PIK3CA: variants seen among roughly 807,000 people sequenced by gnomAD.
The protein encoded by PIK3CA is phosphatidylinositol-4,5-bisphosphate 3-kinase catalytic subunit alpha.
PIK3CA carries 27 observed loss-of-function variants against 138.2 expected under a neutral mutation model. That is an observed-to-expected ratio of 0.20 (90% CI 0.14 to 0.27). PIK3CA has a LOEUF of 0.27. PIK3CA is among the 10% of genes least tolerant of loss of function. PIK3CA has a pLI of 1.00. For missense variants in PIK3CA, 544 were observed against 1,277.4 expected (o/e 0.43, Z 8.75); for synonymous variants, 358 against 413.2 (o/e 0.87, Z 1.62).
At chr3:179,173,643 A>T (rs1334071904) in intron 1 of PIK3CA, among the ~76,000 whole-genome samples, 1 of 152,154 alleles carries the variant, frequency 6.6e-6, no homozygotes, top group African/African-American at 2.4e-5. Context: ...ATAGACCTAA[A>T]CTTCAGTTCT....
rs183206811 is a variant in PIK3CA, at chr3:179,204,616, C to T, written c.1145+28C>T. The T allele has an allele frequency of 8.0e-6, 9 of 1,131,928 alleles. No individual in the cohort carries two copies. The Admixed American group carries it at 1.2e-4, about 15-fold the overall frequency. The allele number at this position is 1,131,928 out of a possible 1,614,324, so 70.1% of individuals were successfully genotyped here. A position where few individuals can be genotyped will look rare whatever the true frequency, so the allele number is the denominator to read the frequency against. On this transcript the variant is annotated intron_variant, in intron 6 of 20. Transcript: ENST00000263967. ...AAGGAAGTATATAGATTTATATTTC[C>T]AAAGGTTATATTAGTGTTTAGCAGT...
intron 6 of PIK3CA, among the ~76,000 whole-genome samples, chr3:179,207,286 C>G (rs868630683): frequency 6.6e-6 from 1 of 152,144 alleles, no homozygotes; most frequent in East Asian, 1.9e-4. Context: ...ACTGTATACA[C>G]ACACACAACC....
intron 16 of PIK3CA, among the ~76,000 whole-genome samples, 173 bp downstream of exon 16, chr3:179,224,994 T>C (rs1328215741): frequency 1.3e-5 from 2 of 152,178 alleles, no homozygotes; most frequent in Admixed American, 1.3e-4. Context: ...GTATAATCAA[T>C]GAAAAGAAAA....
intron 6 of PIK3CA, among the ~76,000 whole-genome samples, chr3:179,207,613 T>G (rs1328354458): frequency 1.3e-5 from 2 of 150,606 alleles, no homozygotes. Flanking sequence ...TGGCACAAAC[T>G]CGACTCACTG....
At chr3:179,215,364 A>G (rs909816689) in intron 9 of PIK3CA, among the ~76,000 whole-genome samples, 1 of 152,220 alleles carries the variant, frequency 6.6e-6, no homozygotes, top group African/African-American at 2.4e-5. Flanking sequence ...ATAGCAGAAT[A>G]AAACTTCTAT....
intron 1 of PIK3CA, among the ~76,000 whole-genome samples, chr3:179,169,910 C>T (rs1168819128): frequency 2.0e-5 from 3 of 152,220 alleles, no homozygotes; most frequent in Non-Finnish European, 2.9e-5. Flanking sequence ...TTAAAACACA[C>T]ACACATACCA....
intron 1 of PIK3CA, among the ~76,000 whole-genome samples, chr3:179,177,219 T>C (rs77414666): frequency 0.038 from 5,715 of 152,226 alleles, 359 homozygotes; most frequent in African/African-American, 0.13. Flanking sequence ...TATGGTACTT[T>C]TGATAGACCA....
intron 1 of PIK3CA, among the ~76,000 whole-genome samples, chr3:179,155,846 G>A (rs534667912): frequency 1.3e-5 from 2 of 152,236 alleles, no homozygotes; most frequent in South Asian, 4.1e-4. Flanking sequence ...AGATTGTTAG[G>A]TTACAGAGAG....
intron 1 of PIK3CA, among the ~76,000 whole-genome samples, chr3:179,192,148 T>C (rs1024551533): frequency 4.6e-5 from 7 of 152,226 alleles, no homozygotes; most frequent in African/African-American, 1.7e-4. Flanking sequence ...AGATTTTCAT[T>C]GCCACATTTT....
At chr3:179,166,120 T>C (rs1517586) in intron 1 of PIK3CA, among the ~76,000 whole-genome samples, 10,789 of 152,294 alleles carry the variant, frequency 0.071, 464 homozygotes, top group Non-Finnish European at 0.099. Flanking sequence ...TGCTAAATAT[T>C]TGTCAAATCA....
At chr3:179,191,398 C>G (rs1367483169) in intron 1 of PIK3CA, among the ~76,000 whole-genome samples, 1 of 152,090 alleles carries the variant, frequency 6.6e-6, no homozygotes, top group Non-Finnish European at 1.5e-5. Flanking sequence ...ACTTGTTTTA[C>G]AAACTGTTGG....
At position 179,237,171 on chromosome 3, in the gene PIK3CA, T is replaced by A. The variant is rs1272968249; in HGVS notation, c.*2807T>A. Reference sequence around the variant, plus strand: ...TATTTTGAAGATTTTTAGACTACTGTTAATTTGAAATCTGTTACTCTTATT... The same window carrying A: ...TATTTTGAAGATTTTTAGACTACTGATAATTTGAAATCTGTTACTCTTATT... On this transcript the variant is annotated 3_prime_UTR_variant, in exon 21 of 21. Transcript: ENST00000263967. 1 of 196,076 alleles carries A rather than the reference T, an allele frequency of 5.1e-6. No homozygotes were observed. Among genetic ancestry groups the A allele is most frequent in the African/African-American group, 2.3e-5 (1 of 43,302 alleles). 12.1% of individuals were successfully genotyped at this position (196,076 alleles called of 1,614,324 possible). A position where few individuals can be genotyped will look rare whatever the true frequency, so the allele number is the denominator to read the frequency against.
At chr3:179,191,823 A>G (rs1254621220) in intron 1 of PIK3CA, among the ~76,000 whole-genome samples, 1 of 152,080 alleles carries the variant, frequency 6.6e-6, no homozygotes, top group Non-Finnish European at 1.5e-5. Context: ...TTTTTAGTAG[A>G]GACGGGGTTT....
chr3:179,161,824 G>A (rs1723288933), intron 1 of PIK3CA, among the ~76,000 whole-genome samples: 1 of 152,068 alleles, frequency 6.6e-6, no homozygotes, highest in African/African-American at 2.4e-5. Context: ...ATTCATCTGG[G>A]GAATGAAACA....
In PIK3CA at chr3:179,220,132, T is replaced by G; in HGVS notation, c.2015+80T>G. ...TAATAGATTTATAAATATGTATTAC[T>G]TATATACTTTTGTTTATGTTTGGCT... On this transcript the variant is annotated intron_variant, in intron 13 of 20. Transcript: ENST00000263967. This position sits in a 1 kb window ranked among gnomAD's most constrained non-coding sequence, Gnocchi z 4.1. 1 of 1,045,174 alleles carries G rather than the reference T, an allele frequency of 9.6e-7. No individual in the cohort carries two copies. The highest frequency in any genetic ancestry group is 1.3e-6 in the Non-Finnish European group (1 of 751,646). The allele number at this position is 1,045,174 out of a possible 1,614,324, so 64.7% of individuals were successfully genotyped here. A position where few individuals can be genotyped will look rare whatever the true frequency, so the allele number is the denominator to read the frequency against.
chr3:179,184,475 C>T (rs1723926484), intron 1 of PIK3CA, among the ~76,000 whole-genome samples: 1 of 152,124 alleles, frequency 6.6e-6, no homozygotes, highest in South Asian at 2.1e-4. Context: ...ATCATTAGTC[C>T]CTGGTTCTCT....
chr3:179,210,474 T>G lies in PIK3CA; in HGVS notation c.1448T>G (p.Val483Gly). The G allele has an allele frequency of 6.2e-7, 1 of 1,614,078 alleles. No individual in the cohort carries two copies. Among genetic ancestry groups the G allele is most frequent in the Non-Finnish European group, 8.5e-7 (1 of 1,179,952 alleles). ...TTGGAGTTTGACTGGTTCAGCAGTG[T>G]GGTAAAGTTCCCAGATATGTCAGTG... ...LELEFDWFSS[V>G]VKFPDMSVIE... Residue 483 changes from valine (V) to glycine (G), a missense_variant, in exon 9 of 21, where the codon GTG (valine) becomes GGG (glycine). Coordinates refer to ENST00000263967, the MANE Select transcript of PIK3CA (RefSeq NM_006218.4).
chr3:179,172,190 C>T (rs1723576053), intron 1 of PIK3CA, among the ~76,000 whole-genome samples: 1 of 151,462 alleles, frequency 6.6e-6, no homozygotes, highest in African/African-American at 2.4e-5. Context: ...AAATTCAATA[C>T]AAATTATAAT....
At chr3:179,170,058 GCGTGCACA>G (rs1279633375) in intron 1 of PIK3CA, among the ~76,000 whole-genome samples, 54 of 98,444 alleles carry the variant, frequency 5.5e-4, no homozygotes, top group Non-Finnish European at 8.1e-4. Context: ...ATGCACATGC[GCGTGCACA>G]CGCGCGCGCG....
Sources: allele counts gnomAD v4.1 joint callset (sites outside exome capture counted in the v4.1 genomes callset), GRCh38; gene constraint gnomAD v4.1.1; non-coding constraint Gnocchi (gnomAD v3.1); transcripts MANE v1.5; gene names NCBI Gene and HGNC (gene_info 2026-07-23, HGNC 2026-07-21).